Variants in SMG1 observed in about 807,000 individuals in gnomAD.
SMG1 encodes serine/threonine-protein kinase SMG1.
A neutral mutation model predicts 419.9 loss-of-function variants in SMG1; 22 were observed. The observed-to-expected ratio is 0.05, with a 90% CI of 0.04 to 0.07. SMG1 has a LOEUF of 0.07. SMG1 is among the 10% of genes least tolerant of loss of function. The pLI is 1.00. For synonymous variants in SMG1, 1,538 were observed against 1,553.5 expected, an observed-to-expected ratio of 0.99 and a Z score of 0.23; for missense variants, 3,185 against 4,342.0, an observed-to-expected ratio of 0.73 and a Z score of 7.49.
intron 1 of SMG1, among the ~76,000 whole-genome samples, chr16:18,909,084 T>C (rs1468349547): frequency 5.3e-5 from 8 of 151,116 alleles, no homozygotes; most frequent in Middle Eastern, 6.8e-3. Flanking sequence ...GGCTCACACC[T>C]GTAATCCCAG....
chr16:18,907,621 G>A (rs74442268), intron 1 of SMG1, among the ~76,000 whole-genome samples: 6 of 151,806 alleles, frequency 4.0e-5, no homozygotes, highest in African/African-American at 4.8e-5. Flanking sequence ...AGGCCGAGGC[G>A]GGCGGATCAT....
intron 9 of SMG1, among the ~76,000 whole-genome samples, chr16:18,883,299 A>C (rs2036479024): frequency 6.6e-6 from 1 of 152,228 alleles, no homozygotes; most frequent in Non-Finnish European, 1.5e-5. Flanking sequence ...AGCGCTCTTA[A>C]AGCTCCTATG....
chr16:18,862,409 C>G (rs1401689292), intron 25 of SMG1, among the ~76,000 whole-genome samples: 2 of 152,212 alleles, frequency 1.3e-5, no homozygotes, highest in African/African-American at 2.4e-5. Context: ...AGTATAGAGA[C>G]TGAAAAGGAA....
At chr16:18,821,217 GTTTCTTTTTTTTTTTTTTTT>G (rs1384923421) in intron 55 of SMG1, among the ~76,000 whole-genome samples, 6 of 31,736 alleles carry the variant, frequency 1.9e-4, no homozygotes, top group Non-Finnish European at 4.1e-4. Flanking sequence ...TATTTAGTAT[GTTTCTTTTTTTTTTTTTTTT>G]TTTCTTTTTT....
chr16:18,845,739 TTAAG>T, intron 38 of SMG1, 88 bp from the exon 39 acceptor site: 1 of 938,166 alleles, frequency 1.1e-6, no homozygotes, highest in Admixed American at 2.1e-5. Context: ...ATATCAATTG[TTAAG>T]TAAACAGTAC....
chr16:18,890,118 A>G (rs2036811608), intron 5 of SMG1, among the ~76,000 whole-genome samples: 2 of 152,210 alleles, frequency 1.3e-5, no homozygotes, highest in South Asian at 4.1e-4. Context: ...AATCACCATA[A>G]CAAGAAATGA....
Position 18,839,835 on chromosome 16 carries a change from C to T in SMG1, c.6808G>A (p.Val2270Met), listed in dbSNP as rs2033810195. The T allele has an allele frequency of 4.3e-6, 7 of 1,613,872 alleles. No homozygotes were observed. The highest frequency in any genetic ancestry group is 5.9e-6 in the Non-Finnish European group (7 of 1,179,892). Residue 2270 changes from valine to methionine, a missense_variant, in exon 42 of 63, where the codon GTG (valine) becomes ATG (methionine). By Grantham distance (21) the Val-to-Met change is conservative. Around this residue, in one of 27 missense-constraint regions of SMG1, gnomAD observed 132 missense variants for 151.0 expected, o/e 0.87. Coordinates refer to ENST00000446231, the MANE Select transcript of SMG1 (RefSeq NM_015092.5). ...ALKTVGLSLD[V>M]SRRDWPLHVM... ...TGAAGAGGCCAATCCCGACGGGACA[C>T]ATCCAGGCTAAGCCCAACTGTTTTC...
chr16:18,895,707 GAA>G (rs1292255018), intron 3 of SMG1, among the ~76,000 whole-genome samples: 1 of 151,000 alleles, frequency 6.6e-6, no homozygotes, highest in African/African-American at 2.4e-5. Flanking sequence ...AAAAAAGACA[GAA>G]AAGTACCCCC....
At chr16:18,831,516 G>C (rs1223956725) in intron 51 of SMG1, among the ~76,000 whole-genome samples, 1 of 152,084 alleles carries the variant, frequency 6.6e-6, no homozygotes, top group African/African-American at 2.4e-5. Context: ...TACAGATCTA[G>C]CATTTAACTT....
At chr16:18,868,749 T>C (rs2035652226) in intron 20 of SMG1, 30 bp from the exon 21 acceptor site, 1 of 891,394 alleles carries the variant, frequency 1.1e-6, no homozygotes, top group South Asian at 1.6e-5. Flanking sequence ...TCTGAATTTT[T>C]AAAAATCTTA....
chr16:18,924,324 G>A (rs1304124259), intron 1 of SMG1, among the ~76,000 whole-genome samples: 4 of 152,194 alleles, frequency 2.6e-5, no homozygotes, highest in Non-Finnish European at 5.9e-5. Flanking sequence ...ACGTGGCTGC[G>A]ACTCTTCTCT....
rs1322156516 is a variant in SMG1, at chr16:18,866,704, T to C, written c.3267A>G (p.Ile1089Met). ...ATGATGACCAGACAGCAATTCCCTG[T>C]ATAGCTTCAGGACAATGAAGTTCAC... ...ALCELHCPEAIQGIAVWSSSI... is the reference protein window; with the variant it reads ...ALCELHCPEAMQGIAVWSSSI... The change falls in exon 23 of 63, where the codon ATA (isoleucine) becomes ATG (methionine). Residue 1089 changes from isoleucine (I) to methionine (M), a missense_variant. Coordinates refer to ENST00000446231, the MANE Select transcript of SMG1 (RefSeq NM_015092.5). The C allele has an allele frequency of 2.5e-6, 4 of 1,594,656 alleles. No individual in the cohort carries two copies. Among genetic ancestry groups the C allele is most frequent in the Non-Finnish European group, 2.5e-6 (3 of 1,177,124 alleles).
At chr16:18,852,514 C>T (rs1019081021) in intron 31 of SMG1, 52 bp from the exon 32 acceptor site, 2 of 1,373,796 alleles carry the variant, frequency 1.5e-6, no homozygotes, top group Non-Finnish European at 1.9e-6. Context: ...AACAATGTTA[C>T]ATTCATAAAT....
At chr16:18,843,907 T>C (rs1333578882) in intron 39 of SMG1, among the ~76,000 whole-genome samples, 2 of 152,186 alleles carry the variant, frequency 1.3e-5, no homozygotes, top group African/African-American at 4.8e-5. Context: ...TAATTCCTTT[T>C]TTTTGAGCTG....
Position 18,835,127 on chromosome 16 carries a change from C to T in SMG1, c.8095G>A (p.Val2699Met), listed in dbSNP as rs1161111117. The change falls in exon 49 of 63, where the codon GTG becomes ATG. Residue 2699 changes from valine to methionine, a missense_variant. Around this residue, in one of 27 missense-constraint regions of SMG1, gnomAD observed 412 missense variants for 546.6 expected, o/e 0.75. Coordinates refer to ENST00000446231, the MANE Select transcript of SMG1 (RefSeq NM_015092.5). ...MQYAPQPPPT[V>M]CQFITATEMT... Reference sequence around the variant, plus strand: ...TCAGTGGCAGTGATGAACTGACACACTGTTGGGGGTGGCTGGGGAGCATAT... The same window carrying T: ...TCAGTGGCAGTGATGAACTGACACATTGTTGGGGGTGGCTGGGGAGCATAT... 3.1e-6 allele frequency: 5 copies of T among 1,613,044 alleles called. No individual in the cohort carries two copies. In the East Asian group the frequency reaches 8.9e-5, roughly 29 times the overall value.
rs545804903 is a variant in SMG1 at position 18,859,145 on chromosome 16, G to C, written c.3990C>G (p.Ile1330Met). Reference sequence around the variant, plus strand: ...TAGAAAGTCTCAGAGGTCCAATAGCGATGCGGGATGTTTGCTTCAAGTACT... The same window carrying C: ...TAGAAAGTCTCAGAGGTCCAATAGCCATGCGGGATGTTTGCTTCAAGTACT... Reference protein sequence around the residue: ...VVKYLKQTSRIAIGPLRLSTL... With the variant: ...VVKYLKQTSRMAIGPLRLSTL... Residue 1330 changes from isoleucine to methionine, a missense_variant, in exon 28 of 63, where the codon ATC becomes ATG. Ile to Met is a conservative substitution (Grantham distance 10). Coordinates refer to ENST00000446231, the MANE Select transcript of SMG1 (RefSeq NM_015092.5). The C allele has an allele frequency of 6.5e-7, 1 of 1,534,818 alleles. No homozygotes were observed. The highest frequency in any genetic ancestry group is 1.4e-5 in the African/African-American group (1 of 73,130).
chr16:18,869,834 G>C lies in SMG1; in HGVS notation c.2633+20C>G, dbSNP rs780231368. On this transcript the variant is annotated intron_variant, in intron 19 of 62. Transcript: ENST00000446231. ...TTAAAATTATGTTTCCCAGATAAAA[G>C]AGTCAAAGAAATGCCTTACCCTGTT... 9 of 1,577,690 alleles carry C rather than the reference G, an allele frequency of 5.7e-6. No individual in the cohort carries two copies. The East Asian group carries it at 9.0e-5, about 16-fold the overall frequency.
intron 1 of SMG1, among the ~76,000 whole-genome samples, chr16:18,922,626 C>G (rs1179710184): frequency 1.3e-5 from 2 of 152,186 alleles, no homozygotes; most frequent in East Asian, 3.9e-4. Flanking sequence ...CACCATATCC[C>G]GCTAATTTAT....
In SMG1 at chr16:18,828,011, G is replaced by T; in HGVS notation, c.9741+20C>A. ...TTCTAAAAAGAAAATGCCCTGGAAG[G>T]AAGATCTGGCAAAACACACCTGAAC... On this transcript the variant is annotated intron_variant, in intron 55 of 62. Coordinates refer to ENST00000446231, the MANE Select transcript of SMG1 (RefSeq NM_015092.5). 1 of 1,605,402 alleles carries T rather than the reference G, an allele frequency of 6.2e-7. No homozygotes were observed. Among genetic ancestry groups the T allele is most frequent in the South Asian group, 1.1e-5 (1 of 89,738 alleles).
Sources: gnomAD v4.1 joint callset for allele counts (sites outside exome capture counted in the v4.1 genomes callset) on GRCh38, gnomAD v4.1.1 for gene constraint, gnomAD v4.1.1 regional missense constraint, MANE v1.5 for transcripts, NCBI Gene and HGNC (gene_info 2026-07-23, HGNC 2026-07-21) for gene names.